The following SGK1 variants were observed in gnomAD, a reference collection of about 807,000 sequenced individuals.
SGK1 encodes serine/threonine-protein kinase Sgk1.
SGK1 carries 26 observed loss-of-function variants against 64.2 expected under a neutral mutation model. The observed-to-expected ratio is 0.40, with a 90% CI of 0.30 to 0.56. The LOEUF (loss-of-function observed/expected upper bound fraction) is 0.56. Among genes scored for constraint, SGK1 ranks in the 20% least tolerant of loss-of-function variants. The pLI is 0.38. For missense variants in SGK1, 519 were observed against 645.6 expected, an observed-to-expected ratio of 0.80 and a Z score of 2.12; for synonymous variants, 265 against 239.7, an observed-to-expected ratio of 1.11 and a Z score of -0.98.
intron 1 of SGK1, among the ~76,000 whole-genome samples, chr6:134,283,372 T>G (rs1777124427): frequency 6.6e-6 from 1 of 151,916 alleles, no homozygotes; most frequent in Non-Finnish European, 1.5e-5. Flanking sequence ...GTGCCTGTAA[T>G]CCCAGTTACT....
At chr6:134,194,165 G>A (rs1243278782) in intron 3 of SGK1, among the ~76,000 whole-genome samples, 1 of 151,838 alleles carries the variant, frequency 6.6e-6, no homozygotes, top group African/African-American at 2.4e-5. Context: ...GCCCCAGCTG[G>A]AAATCTTTTT....
intron 1 of SGK1, among the ~76,000 whole-genome samples, chr6:134,311,512 A>G (rs1027836679): frequency 2.6e-5 from 4 of 152,208 alleles, no homozygotes; most frequent in South Asian, 4.1e-4. Context: ...TTAGCTGTGC[A>G]TGGTGGTGCA....
At chr6:134,227,388 C>G (rs557155270) in intron 2 of SGK1, among the ~76,000 whole-genome samples, 3 of 152,318 alleles carry the variant, frequency 2.0e-5, no homozygotes, top group Admixed American at 1.3e-4. Context: ...ACCCGCTTGG[C>G]CTCCCAAAGT....
intron 1 of SGK1, among the ~76,000 whole-genome samples, chr6:134,292,106 A>T (rs940475174): frequency 5.9e-5 from 9 of 151,754 alleles, no homozygotes; most frequent in Admixed American, 3.3e-4. Context: ...TTGTTTTTTG[A>T]CACATATTAT....
intron 2 of SGK1, among the ~76,000 whole-genome samples, chr6:134,244,700 A>G (rs527544843): frequency 1.4e-4 from 21 of 152,330 alleles, no homozygotes; most frequent in Non-Finnish European, 2.6e-4. Flanking sequence ...GGAAATGCAG[A>G]AATCACTCGC....
intron 4 of SGK1, chr6:134,174,290 T>C (rs556560767): frequency 1.7e-6 from 1 of 603,590 alleles, no homozygotes; most frequent in Admixed American, 3.1e-5. Context: ...AGGCCGTGAA[T>C]TCGGCCAACA....
chr6:134,213,817 T>C (rs1179029086), intron 2 of SGK1, among the ~76,000 whole-genome samples: 6 of 151,876 alleles, frequency 4.0e-5, no homozygotes, highest in Admixed American at 3.9e-4. Flanking sequence ...ATAGGATATA[T>C]GCCATGGGAG....
chr6:134,195,426 A>G (rs1445846386), intron 3 of SGK1, among the ~76,000 whole-genome samples: 1 of 152,212 alleles, frequency 6.6e-6, no homozygotes, highest in Non-Finnish European at 1.5e-5. Context: ...CTCTGTGTTG[A>G]GCTAAACTGA....
At chr6:134,189,602 C>A (rs1277866019) in intron 3 of SGK1, among the ~76,000 whole-genome samples, 4 of 152,178 alleles carry the variant, frequency 2.6e-5, no homozygotes, top group Admixed American at 2.6e-4. Context: ...TTAGTATCTA[C>A]AATTATTCTA....
At chr6:134,220,103 GA>G (rs1776066624) in intron 2 of SGK1, among the ~76,000 whole-genome samples, 1 of 116,428 alleles carries the variant, frequency 8.6e-6, no homozygotes, top group South Asian at 2.5e-4. Flanking sequence ...GAAAAGAAAA[GA>G]AAAACACATA....
intron 3 of SGK1, among the ~76,000 whole-genome samples, chr6:134,192,502 G>A: frequency 6.6e-6 from 1 of 152,022 alleles, no homozygotes. Context: ...TCTTGAATTC[G>A]CTGGGGACCC....
intron 10 of SGK1, 110 bp from the exon 11 acceptor site, chr6:134,171,842 A>G: frequency 2.9e-6 from 2 of 695,288 alleles, no homozygotes; most frequent in South Asian, 1.8e-5. Context: ...CTTGGAAGAT[A>G]GATATCTTTA....
chr6:134,315,875 A>G (rs895418837), intron 1 of SGK1, among the ~76,000 whole-genome samples: 3 of 152,000 alleles, frequency 2.0e-5, no homozygotes, highest in Non-Finnish European at 2.9e-5. Context: ...CCCCGTCTCT[A>G]AAAAAAAGAA....
intron 2 of SGK1, among the ~76,000 whole-genome samples, chr6:134,238,712 C>T (rs1776399560): frequency 6.6e-6 from 1 of 151,998 alleles, no homozygotes; most frequent in African/African-American, 2.4e-5. Context: ...TAAGGGTCTC[C>T]AATGTGGAAC....
In SGK1 at chr6:134,174,667, G is replaced by T. The variant is rs1775155882; in HGVS notation, c.362-81C>A. The T allele has an allele frequency of 4.3e-6, 7 of 1,609,612 alleles. No homozygotes were observed. In the South Asian group the frequency reaches 7.7e-5, roughly 18 times the overall value. On this transcript the variant is annotated intron_variant, in intron 3 of 13. Transcript: ENST00000367858. ...CGCCACACACACTAATCTGATCCGGGACTTTCAAAAAATTTCCACTTTGCG... is the reference window on the plus strand; with the variant it reads ...CGCCACACACACTAATCTGATCCGGTACTTTCAAAAAATTTCCACTTTGCG...
chr6:134,219,623 A>C (rs1358711557), intron 2 of SGK1, among the ~76,000 whole-genome samples: 1 of 151,712 alleles, frequency 6.6e-6, no homozygotes, highest in African/African-American at 2.4e-5. Flanking sequence ...AGCCGGGCGT[A>C]GTGGCGCATG....
chr6:134,250,297 C>G (rs1189087994), intron 2 of SGK1, among the ~76,000 whole-genome samples: 4 of 152,164 alleles, frequency 2.6e-5, no homozygotes, highest in Non-Finnish European at 5.9e-5. Context: ...GTCTGCTACT[C>G]AAGGTCGATA....
intron 2 of SGK1, among the ~76,000 whole-genome samples, chr6:134,238,771 G>A (rs1259474983): frequency 4.6e-5 from 7 of 152,000 alleles, no homozygotes; most frequent in Non-Finnish European, 7.4e-5. Flanking sequence ...GCATTCTACC[G>A]ACTAACAGAA....
At chr6:134,293,084 GAAT>G (rs1435681978) in intron 1 of SGK1, among the ~76,000 whole-genome samples, 1 of 152,152 alleles carries the variant, frequency 6.6e-6, no homozygotes, top group Non-Finnish European at 1.5e-5. Flanking sequence ...AAGAGGGAGA[GAAT>G]ATTTTTAAGT....
Sources: gnomAD v4.1 joint callset for allele counts (sites outside exome capture counted in the v4.1 genomes callset) on GRCh38, gnomAD v4.1.1 for gene constraint, MANE v1.5 for transcripts, NCBI Gene and HGNC (gene_info 2026-07-23, HGNC 2026-07-21) for gene names.